The following ANKRD11 variants were observed in gnomAD, a reference collection of about 807,000 sequenced individuals.
ANKRD11 encodes the protein ankyrin repeat domain 11.
A neutral mutation model predicts 195.7 loss-of-function variants in ANKRD11; 17 were observed. The ratio of observed to expected loss-of-function variants is 0.09; its 90% CI spans 0.06 to 0.13. ANKRD11 has a LOEUF of 0.13. ANKRD11 is among the 10% of genes least tolerant of loss of function. ANKRD11 has a pLI of 1.00. For missense variants in ANKRD11, 3,735 were observed against 3,566.1 expected (o/e 1.05, Z -1.21); for synonymous variants, 1,953 against 1,528.1 (o/e 1.28, Z -6.49).
chr16:89,356,049 C>T (rs1470485432), intron 2 of ANKRD11, among the ~76,000 whole-genome samples: 1 of 152,198 alleles, frequency 6.6e-6, no homozygotes, highest in East Asian at 1.9e-4. Flanking sequence ...CCCCTGCACT[C>T]CAGCCTGGGC....
At chr16:89,416,452 C>T (rs557490688) in intron 2 of ANKRD11, among the ~76,000 whole-genome samples, 1 of 152,140 alleles carries the variant, frequency 6.6e-6, no homozygotes, top group African/African-American at 2.4e-5. Context: ...GCATTCGCCA[C>T]CACGTCCGGT....
intron 2 of ANKRD11, among the ~76,000 whole-genome samples, chr16:89,415,756 A>T (rs1333598703): frequency 7.1e-6 from 1 of 140,148 alleles, no homozygotes; most frequent in East Asian, 2.3e-4. Context: ...TGAATCTGGG[A>T]GGTGGAGGTT....
intron 3 of ANKRD11, 120 bp from the exon 4 acceptor site, chr16:89,305,464 GCACCC>G: frequency 8.0e-6 from 11 of 1,374,968 alleles, no homozygotes; most frequent in East Asian, 2.4e-5. Flanking sequence ...CACCCTCCCT[GCACCC>G]CAGGGCGTGG....
intron 1 of ANKRD11, among the ~76,000 whole-genome samples, chr16:89,476,604 G>A (rs2057266233): frequency 6.6e-6 from 1 of 152,178 alleles, no homozygotes; most frequent in Non-Finnish European, 1.5e-5. Flanking sequence ...GTGGGGCTCT[G>A]CAGCCTGGCA....
chr16:89,489,743 C>G (rs1407339837), intron 1 of ANKRD11, among the ~76,000 whole-genome samples: 4 of 143,058 alleles, frequency 2.8e-5, no homozygotes, highest in African/African-American at 1.0e-4. Flanking sequence ...CGCCCCGAAG[C>G]CCCCCGTCCG....
rs2034250368 is a variant in ANKRD11, at chr16:89,281,558, G to A, written c.4984C>T (p.Pro1662Ser). The change falls in exon 9 of 13, where the codon CCT (proline) becomes TCT (serine). Residue 1662 changes from proline to serine, a missense_variant. Coordinates refer to ENST00000301030, the MANE Select transcript of ANKRD11 (RefSeq NM_013275.6). The surrounding 1 kb of genome is among the most constrained non-coding windows in gnomAD (Gnocchi z 5.5). ...GGGTGTAGCTTATTTTCCGCGGCAG[G>A]TGGAATAGGAGTCGACTCTTTGAGC... ...KKLKESTPIP[P>S]AAENKLHPAS... The A allele has an allele frequency of 6.2e-7, 1 of 1,614,084 alleles. No individual in the cohort carries two copies. Among genetic ancestry groups the A allele is most frequent in the African/African-American group, 1.3e-5 (1 of 74,924 alleles).
intron 4 of ANKRD11, among the ~76,000 whole-genome samples, chr16:89,295,657 T>C (rs1424588588): frequency 6.6e-6 from 1 of 151,788 alleles, no homozygotes; most frequent in East Asian, 2.0e-4. Context: ...AGCCATGGCC[T>C]TTCTGAGGCA....
intron 1 of ANKRD11, among the ~76,000 whole-genome samples, chr16:89,433,359 C>T (rs1366788139): frequency 6.6e-6 from 1 of 152,216 alleles, no homozygotes; most frequent in Non-Finnish European, 1.5e-5. Flanking sequence ...TCCGTTGTCT[C>T]CTCTGCAGAC....
chr16:89,268,470 C>T lies in ANKRD11; in HGVS notation c.*8G>A, dbSNP rs553564829. 45 of 1,205,274 alleles carry T rather than the reference C, an allele frequency of 3.7e-5. No homozygotes were observed. In the East Asian group the frequency reaches 9.3e-4, roughly 25 times the overall value. 74.7% of individuals were successfully genotyped at this position (1,205,274 alleles called of 1,614,324 possible). ...CCCTCGCCTGCGTCCTGCGGCCGTC[C>T]CGCGGTGTCATGCCGGCAACAATAC... is the stretch of plus-strand genomic sequence containing the variant. On this transcript the variant is annotated 3_prime_UTR_variant, in exon 13 of 13. Transcript: ENST00000301030.
Position 89,280,270 on chromosome 16 carries a change from T to C in ANKRD11, c.6272A>G (p.Gln2091Arg). The change falls in exon 9 of 13, where the codon CAG (glutamine) becomes CGG (arginine). Residue 2091 changes from glutamine (Q) to arginine (R), a missense_variant. Physicochemically the swap from Gln to Arg is conservative, Grantham distance 43 (BLOSUM62 1). Coordinates refer to ENST00000301030, the MANE Select transcript of ANKRD11 (RefSeq NM_013275.6). ...TTCCAGGGGCCCCAGAGCCTCCACC[T>C]GAGCCACAGCGGCTACACAGGCGGG... ...PEPACVAAVA[Q>R]VEALGPLENS... The C allele has an allele frequency of 1.2e-6, 2 of 1,608,842 alleles. No individual in the cohort carries two copies. The highest frequency in any genetic ancestry group is 1.1e-5 in the South Asian group (1 of 90,986).
chr16:89,436,885 T>C (rs1053651423), intron 1 of ANKRD11, among the ~76,000 whole-genome samples: 4 of 152,266 alleles, frequency 2.6e-5, no homozygotes, highest in Admixed American at 1.3e-4. Context: ...AATAAACTTA[T>C]CTACTTTCTT....
intron 1 of ANKRD11, 189 bp from the exon 2 acceptor site, chr16:89,418,557 G>A (rs1008741779): frequency 1.3e-5 from 3 of 225,684 alleles, no homozygotes; most frequent in Admixed American, 5.2e-5. Flanking sequence ...ATACCTTTAC[G>A]TCACAATGCA....
rs1385718182 is a variant in ANKRD11 at position 89,291,140 on chromosome 16, G to A, written c.270C>T (p.Val90=). The A allele has an allele frequency of 6.2e-7, 1 of 1,613,952 alleles. No homozygotes were observed. ...CAAACAGCAGCCCGGCCTTCCGGGT[G>A]ACAGGCTCCTTCTTAATCCTCTTCC... ...PERKRIKKEP[V]TRKAGLLFGM... The change falls in exon 5 of 13, where the codon GTC becomes GTT. Residue 90 remains valine (V), a synonymous_variant. Transcript: ENST00000301030. The surrounding 1 kb of genome is among the most constrained non-coding windows in gnomAD (Gnocchi z 5.3).
intron 9 of ANKRD11, chr16:89,278,732 C>T (rs1015040536): frequency 9.7e-6 from 5 of 516,238 alleles, no homozygotes; most frequent in Admixed American, 2.3e-5. Flanking sequence ...TCTCGTGAGG[C>T]CGTCCTGGTG....
intron 1 of ANKRD11, among the ~76,000 whole-genome samples, chr16:89,432,945 T>C (rs1317671470): frequency 7.6e-5 from 1 of 13,142 alleles, no homozygotes; most frequent in Non-Finnish European, 1.9e-4. Context: ...AGAGACCCTA[T>C]CTCTCTCTCT....
chr16:89,334,999 G>A (rs1312921727), intron 2 of ANKRD11, among the ~76,000 whole-genome samples: 1 of 152,120 alleles, frequency 6.6e-6, no homozygotes, highest in East Asian at 1.9e-4. Context: ...AGGTACATGT[G>A]ACATGAGCTC....
At chr16:89,293,491 G>A (rs2035202296) in intron 4 of ANKRD11, among the ~76,000 whole-genome samples, 1 of 150,218 alleles carries the variant, frequency 6.7e-6, no homozygotes, top group Non-Finnish European at 1.5e-5. Flanking sequence ...GGGAGGAGCT[G>A]GGGCAGAGTT....
chr16:89,418,903 G>C (rs1302372548), intron 1 of ANKRD11, among the ~76,000 whole-genome samples: 2 of 151,858 alleles, frequency 1.3e-5, no homozygotes, highest in East Asian at 3.9e-4. Context: ...CCGAGTAGAT[G>C]GGATTACAGG....
At chr16:89,405,574 TCCTCCCGCCTCAG>T (rs1399789686) in intron 2 of ANKRD11, among the ~76,000 whole-genome samples, 2 of 147,076 alleles carry the variant, frequency 1.4e-5, no homozygotes, top group Non-Finnish European at 3.0e-5. Context: ...GTTGCAGCAA[TCCTCCCGCCTCAG>T]CCTCCCAAAG....
Sources: gnomAD v4.1 joint callset for allele counts (sites outside exome capture counted in the v4.1 genomes callset) on GRCh38, gnomAD v4.1.1 for gene constraint, Gnocchi (gnomAD v3.1) non-coding constraint, MANE v1.5 for transcripts, NCBI Gene and HGNC (gene_info 2026-07-23, HGNC 2026-07-21) for gene names.